The following AGPAT4 variants were observed in gnomAD, a reference collection of about 807,000 sequenced individuals.
AGPAT4 encodes the protein 1-acyl-sn-glycerol-3-phosphate acyltransferase delta.
A neutral mutation model predicts 48.0 loss-of-function variants in AGPAT4; 15 were observed. The ratio of observed to expected loss-of-function variants is 0.31; its 90% CI spans 0.21 to 0.48. The LOEUF (loss-of-function observed/expected upper bound fraction) is 0.48, where lower values mean the gene tolerates loss of function less well. Among genes scored for constraint, AGPAT4 ranks in the 20% least tolerant of loss-of-function variants. The pLI, the probability that AGPAT4 is intolerant of heterozygous loss-of-function variation, is 0.99. For synonymous variants in AGPAT4, 178 were observed against 198.7 expected (o/e 0.90, Z 0.88); for missense variants, 314 against 482.5 (o/e 0.65, Z 3.27).
chr6:161,172,050 C>T (rs1351403815), intron 2 of AGPAT4, among the ~76,000 whole-genome samples: 1 of 152,158 alleles, frequency 6.6e-6, no homozygotes, highest in Non-Finnish European at 1.5e-5. Context: ...GCAACCAAGG[C>T]TTTAACTTCA....
rs1043194991 is a variant in AGPAT4, at chr6:161,138,763, C to A, written c.1042+659G>T. Among the ~76,000 whole-genome samples, 3 of 152,134 alleles carry A rather than the reference C, an allele frequency of 2.0e-5. No individual in the cohort carries two copies. Among genetic ancestry groups the A allele is most frequent in the African/African-American group, 7.2e-5 (3 of 41,428 alleles). On this transcript the variant is annotated intron_variant, in intron 8 of 8. Transcript: ENST00000320285. This position sits in a 1 kb window ranked among gnomAD's most constrained non-coding sequence, Gnocchi z 4.8. ...AGGCTTGGGGAGACAGGGCCTTTCACAGGGAAACCCCAAAGTCTTCCTTGG... is the reference window on the plus strand; with the variant it reads ...AGGCTTGGGGAGACAGGGCCTTTCAAAGGGAAACCCCAAAGTCTTCCTTGG...
In AGPAT4 at chr6:161,220,395, GA is replaced by G. The variant is rs1316375505; in HGVS notation, c.178+11640del. Among the ~76,000 whole-genome samples, 4 of 152,190 alleles carry G rather than the reference GA, an allele frequency of 2.6e-5. No homozygotes were observed. Among genetic ancestry groups the G allele is most frequent in the African/African-American group, 9.7e-5 (4 of 41,448 alleles). On this transcript the variant is annotated intron_variant, in intron 2 of 8. Coordinates refer to ENST00000320285, the MANE Select transcript of AGPAT4 (RefSeq NM_020133.3). This position sits in a 1 kb window ranked among gnomAD's most constrained non-coding sequence, Gnocchi z 6.0. Reference sequence around the variant, plus strand: ...CAGAGTGTAACAGTAACTATGAAGAGAAAACATTACATCTGAAATGAGCTGG... The same window carrying G: ...CAGAGTGTAACAGTAACTATGAAGAGAAACATTACATCTGAAATGAGCTGG...
At chr6:161,176,709 T>G (rs1780440088) in intron 2 of AGPAT4, among the ~76,000 whole-genome samples, 1 of 152,238 alleles carries the variant, frequency 6.6e-6, no homozygotes. Context: ...ATTTTGCTCG[T>G]TAATTGATGC....
intron 2 of AGPAT4, among the ~76,000 whole-genome samples, chr6:161,213,932 G>A (rs541178909): frequency 2.6e-5 from 4 of 152,258 alleles, no homozygotes; most frequent in South Asian, 4.1e-4. Flanking sequence ...GGGTGGGGGT[G>A]TTGGGGAATG....
rs912868445 is a variant in AGPAT4 at position 161,251,868 on chromosome 6, C to T, written c.-89-19566G>A. Among the ~76,000 whole-genome samples, 5 of 152,172 alleles carry T rather than the reference C, an allele frequency of 3.3e-5. No individual in the cohort carries two copies. The highest frequency in any genetic ancestry group is 6.5e-5 in the Admixed American group (1 of 15,276). On this transcript the variant is annotated intron_variant, in intron 1 of 8. Coordinates refer to ENST00000320285, the MANE Select transcript of AGPAT4 (RefSeq NM_020133.3). This position sits in a 1 kb window ranked among gnomAD's most constrained non-coding sequence, Gnocchi z 4.6. ...CCATTTAGATTCTTCTAAAGGGATA[C>T]ATTACCTGTTACAGATTAGGGAATG...
chr6:161,151,465 C>A (rs1305042123), intron 5 of AGPAT4, among the ~76,000 whole-genome samples: 1 of 152,204 alleles, frequency 6.6e-6, no homozygotes, highest in Non-Finnish European at 1.5e-5. Flanking sequence ...GCTGGCCCAA[C>A]CCAGAGGGGA....
chr6:161,197,019 G>A lies in AGPAT4; in HGVS notation c.179-30602C>T, dbSNP rs564618742. Among the ~76,000 whole-genome samples, 1 of 152,260 alleles carries A rather than the reference G, an allele frequency of 6.6e-6. No individual in the cohort carries two copies. Among genetic ancestry groups the A allele is most frequent in the South Asian group, 2.1e-4 (1 of 4,826 alleles). ...TCCTCTTGGAATTCTGTGTCCAATG[G>A]AGGAGGCAGTAATAGAAGCGCACAA... On this transcript the variant is annotated intron_variant, in intron 2 of 8. Coordinates refer to ENST00000320285, the MANE Select transcript of AGPAT4 (RefSeq NM_020133.3). The surrounding 1 kb of genome is among the most constrained non-coding windows in gnomAD (Gnocchi z 5.7).
At chr6:161,179,878 T>C (rs1780536617) in intron 2 of AGPAT4, among the ~76,000 whole-genome samples, 1 of 152,250 alleles carries the variant, frequency 6.6e-6, no homozygotes, top group Non-Finnish European at 1.5e-5. Context: ...TTGGTAAGGC[T>C]TCCAGTCAAC....
intron 2 of AGPAT4, among the ~76,000 whole-genome samples, chr6:161,185,142 TAAAAAA>T (rs11299421): frequency 7.4e-6 from 1 of 135,108 alleles, no homozygotes; most frequent in Non-Finnish European, 1.6e-5. Flanking sequence ...TCCAAATGTT[TAAAAAA>T]AAAAAAAAAA....
Position 161,159,836 on chromosome 6 carries a change from G to T in AGPAT4, c.349-5526C>A, listed in dbSNP as rs567572986. Among the ~76,000 whole-genome samples, 1 of 151,640 alleles carries T rather than the reference G, an allele frequency of 6.6e-6. No homozygotes were observed. The highest frequency in any genetic ancestry group is 2.4e-5 in the African/African-American group (1 of 41,320). On this transcript the variant is annotated intron_variant, in intron 3 of 8. Coordinates refer to ENST00000320285, the MANE Select transcript of AGPAT4 (RefSeq NM_020133.3). This position sits in a 1 kb window ranked among gnomAD's most constrained non-coding sequence, Gnocchi z 4.1. ...TTTTTTGTATTGTTAGTAGAGACGG[G>T]GTTTCACCATGTTGGCTAGTCTGGT...
rs1471062051 is a variant in AGPAT4 at position 161,208,196 on chromosome 6, C to T, written c.178+23840G>A. ...TTCTGAAAATCAAGTATATATTTTACATTTCAGTCTCCTTTTTTATATGAA... is the reference window on the plus strand; with the variant it reads ...TTCTGAAAATCAAGTATATATTTTATATTTCAGTCTCCTTTTTTATATGAA... On this transcript the variant is annotated intron_variant, in intron 2 of 8. Coordinates refer to ENST00000320285, the MANE Select transcript of AGPAT4 (RefSeq NM_020133.3). This position sits in a 1 kb window ranked among gnomAD's most constrained non-coding sequence, Gnocchi z 4.6. Among the ~76,000 whole-genome samples the T allele has an allele frequency of 6.6e-6, 1 of 152,138 alleles. No homozygotes were observed. Among genetic ancestry groups the T allele is most frequent in the Non-Finnish European group, 1.5e-5 (1 of 68,024 alleles).
At position 161,141,255 on chromosome 6, in the gene AGPAT4, G is replaced by A. The variant is rs150773895; in HGVS notation, c.844-1635C>T. Among the ~76,000 whole-genome samples the A allele has an allele frequency of 1.9e-3, 282 of 152,120 alleles. No homozygotes were observed. Among genetic ancestry groups the A allele is most frequent in the African/African-American group, 6.2e-3 (259 of 41,480 alleles). On this transcript the variant is annotated intron_variant, in intron 7 of 8. Transcript: ENST00000320285. This position sits in a 1 kb window ranked among gnomAD's most constrained non-coding sequence, Gnocchi z 6.7. ...AGCCTGGTCCGAAGCGTCACTTGTCGCGTGACTCTGCTGTTGGACATCAGC... is the reference window on the plus strand; with the variant it reads ...AGCCTGGTCCGAAGCGTCACTTGTCACGTGACTCTGCTGTTGGACATCAGC...
At position 161,131,456 on chromosome 6, in the gene AGPAT4, C is replaced by A. The variant is rs778038069; in HGVS notation, c.*5084G>T. Reference sequence around the variant, plus strand: ...TCAAGTTTATTTTGGCCTAATTATTCTTAAGAAAGGTGGTTCTTTTTTAGA... The same window carrying A: ...TCAAGTTTATTTTGGCCTAATTATTATTAAGAAAGGTGGTTCTTTTTTAGA... On this transcript the variant is annotated 3_prime_UTR_variant, in exon 9 of 9. Transcript: ENST00000320285. The A allele has an allele frequency of 6.6e-6, 1 of 152,534 alleles. No individual in the cohort carries two copies. Among genetic ancestry groups the A allele is most frequent in the Non-Finnish European group, 1.5e-5 (1 of 68,306 alleles). 9.4% of individuals were successfully genotyped at this position (152,534 alleles called of 1,614,324 possible).
At position 161,131,862 on chromosome 6, in the gene AGPAT4, G is replaced by T. The variant is rs373409618; in HGVS notation, c.*4678C>A. On this transcript the variant is annotated 3_prime_UTR_variant, in exon 9 of 9. Coordinates refer to ENST00000320285, the MANE Select transcript of AGPAT4 (RefSeq NM_020133.3). The stretch of plus-strand genomic sequence containing the variant: ...ATCGAGTCCTTCTCTCAAATTGTAC[G>T]TCTGTTGTTTTCAAAAGCCATTGTG... 1 of 152,200 alleles carries T rather than the reference G, an allele frequency of 6.6e-6. No homozygotes were observed. The highest frequency in any genetic ancestry group is 2.4e-5 in the African/African-American group (1 of 41,430). The allele number at this position is 152,200 out of a possible 1,614,324, so 9.4% of individuals were successfully genotyped here.
chr6:161,217,156 C>T lies in AGPAT4; in HGVS notation c.178+14880G>A, dbSNP rs932614653. Among the ~76,000 whole-genome samples, 1 of 152,178 alleles carries T rather than the reference C, an allele frequency of 6.6e-6. No homozygotes were observed. The highest frequency in any genetic ancestry group is 2.4e-5 in the African/African-American group (1 of 41,438). Reference sequence around the variant, plus strand: ...TGGAGAAGGCAAGCCAGGGGAGGGGCGGAGTGAGCACAGGCGTGGGGACGC... The same window carrying T: ...TGGAGAAGGCAAGCCAGGGGAGGGGTGGAGTGAGCACAGGCGTGGGGACGC... On this transcript the variant is annotated intron_variant, in intron 2 of 8. Coordinates refer to ENST00000320285, the MANE Select transcript of AGPAT4 (RefSeq NM_020133.3). This position sits in a 1 kb window ranked among gnomAD's most constrained non-coding sequence, Gnocchi z 4.9.
At position 161,221,674 on chromosome 6, in the gene AGPAT4, C is replaced by T. The variant is rs1408478586; in HGVS notation, c.178+10362G>A. 1.3e-5 allele frequency among the ~76,000 whole-genome samples: 2 copies of T among 152,118 alleles called. No homozygotes were observed. The highest frequency in any genetic ancestry group is 2.9e-5 in the Non-Finnish European group (2 of 68,014). ...AATTGATTGTCTGAGTTCTGGATTC[C>T]AGGAACCTCAGATCGGGGTGTTAGC... On this transcript the variant is annotated intron_variant, in intron 2 of 8. Coordinates refer to ENST00000320285, the MANE Select transcript of AGPAT4 (RefSeq NM_020133.3). The surrounding 1 kb of genome is among the most constrained non-coding windows in gnomAD (Gnocchi z 4.5).
chr6:161,174,003 A>G (rs905175010), intron 2 of AGPAT4, among the ~76,000 whole-genome samples: 1 of 152,234 alleles, frequency 6.6e-6, no homozygotes, highest in African/African-American at 2.4e-5. Context: ...CCATTGGTCT[A>G]TATCTCTGTT....
At position 161,270,630 on chromosome 6, in the gene AGPAT4, A is replaced by G. The variant is rs562888406; in HGVS notation, c.-90+3308T>C. 6.6e-6 allele frequency among the ~76,000 whole-genome samples: 1 copy of G among 152,208 alleles called. No individual in the cohort carries two copies. The highest frequency in any genetic ancestry group is 2.1e-4 in the South Asian group (1 of 4,814). ...CTAAAAATACAAAAAAATAAAAAAT[A>G]AATTAGCTGGGCGTGGTGCCACATG... On this transcript the variant is annotated intron_variant, in intron 1 of 8. Coordinates refer to ENST00000320285, the MANE Select transcript of AGPAT4 (RefSeq NM_020133.3). The surrounding 1 kb of genome is among the most constrained non-coding windows in gnomAD (Gnocchi z 5.3).
chr6:161,160,389 A>C (rs1383670348), intron 3 of AGPAT4: 2 of 153,714 alleles, frequency 1.3e-5, no homozygotes, highest in Non-Finnish European at 2.9e-5. Context: ...TCAAAACAAA[A>C]TGTATGCTGT....
Sources: allele counts gnomAD v4.1 joint callset (sites outside exome capture counted in the v4.1 genomes callset), GRCh38; gene constraint gnomAD v4.1.1; non-coding constraint Gnocchi (gnomAD v3.1); transcripts MANE v1.5; gene names NCBI Gene and HGNC (gene_info 2026-07-23, HGNC 2026-07-21).